The following RYR1 variants were observed in gnomAD, a reference collection of about 807,000 sequenced individuals.
RYR1 encodes ryanodine receptor 1.
Under a neutral mutation model 583.5 loss-of-function variants are expected in RYR1, and 342 were observed. The ratio of observed to expected loss-of-function variants is 0.59; its 90% CI spans 0.54 to 0.64. The LOEUF (loss-of-function observed/expected upper bound fraction) is 0.64, where lower values mean the gene tolerates loss of function less well. Ranked by LOEUF, RYR1 falls within the 30% of genes least tolerant of loss-of-function variation. The pLI is 0.00. For missense variants in RYR1, 6,032 were observed against 6,917.2 expected (o/e 0.87, Z 4.54); for synonymous variants, 2,791 against 2,822.5 (o/e 0.99, Z 0.35).
At chr19:38,472,738 C>T (rs1170007847) in intron 27 of RYR1, among the ~76,000 whole-genome samples, 2 of 148,516 alleles carry the variant, frequency 1.3e-5, no homozygotes, top group Non-Finnish European at 3.0e-5. Context: ...ATTAGCCAGG[C>T]GTGTTGGCTC....
intron 58 of RYR1, 36 bp from the exon 59 acceptor site, chr19:38,510,462 T>C (rs1320610601): frequency 6.2e-7 from 1 of 1,612,292 alleles, no homozygotes; most frequent in Admixed American, 1.7e-5. Flanking sequence ...TCCCCAGCCT[T>C]GAACCCACTG....
intron 58 of RYR1, 67 bp downstream of exon 58, chr19:38,507,894 A>G: frequency 2.2e-6 from 2 of 904,120 alleles, no homozygotes; most frequent in Non-Finnish European, 3.7e-6. Flanking sequence ...GACCAGACTC[A>G]CCTAGGACAC....
chr19:38,511,480 T>C, intron 60 of RYR1, 81 bp from the exon 61 acceptor site: 3 of 1,430,568 alleles, frequency 2.1e-6, no homozygotes, highest in Non-Finnish European at 2.0e-6. Flanking sequence ...CTGTCTCCTC[T>C]AATTGGGTCA....
intron 79 of RYR1, 106 bp downstream of exon 79, chr19:38,534,925 G>A (rs1044547093): frequency 1.5e-6 from 2 of 1,308,458 alleles, no homozygotes; most frequent in Non-Finnish European, 2.1e-6. Context: ...CTCAATGCCT[G>A]TGGTTTGCAC....
Position 38,500,039 on chromosome 19 carries a change from G to T in RYR1, c.7323+23G>T. The T allele has an allele frequency of 1.2e-6, 2 of 1,607,758 alleles. No individual in the cohort carries two copies. The highest frequency in any genetic ancestry group is 1.7e-6 in the Non-Finnish European group (2 of 1,174,630). On this transcript the variant is annotated intron_variant, in intron 45 of 105. Transcript: ENST00000359596. The surrounding 1 kb of genome is among the most constrained non-coding windows in gnomAD (Gnocchi z 5.9). ...CATGTGAGACCCTGAGCCAGGGCAG[G>T]ATGGGAAGGGAGGGCAGGCACAGCC... is the stretch of plus-strand genomic sequence containing the variant.
At chr19:38,502,810 G>GGGGCAGGGGGA in intron 48 of RYR1, 70 bp from the exon 49 acceptor site, 1 of 667,290 alleles carries the variant, frequency 1.5e-6, no homozygotes, top group Non-Finnish European at 2.0e-6. Flanking sequence ...GGGGCAGGGG[G>GGGGCAGGGGGA]AGGAGCAGGG....
chr19:38,567,011 G>C (rs1599639622), intron 92 of RYR1, 24 bp downstream of exon 92: 1 of 1,567,128 alleles, frequency 6.4e-7, no homozygotes, highest in Non-Finnish European at 8.7e-7. Flanking sequence ...GGGCTGAGGG[G>C]CCTAGCCCCT....
rs369281291 is a variant in RYR1 at position 38,459,334 on chromosome 19, G to A, written c.2356G>A (p.Val786Ile). 7.5e-5 allele frequency: 121 copies of A among 1,613,880 alleles called. No homozygotes were observed. The highest frequency in any genetic ancestry group is 3.3e-4 in the Middle Eastern group (2 of 6,074). Residue 786 changes from valine (V) to isoleucine (I), a missense_variant, in exon 19 of 106, where the codon GTC (valine) becomes ATC (isoleucine). Val to Ile is a conservative substitution (Grantham distance 29, BLOSUM62 3). This residue lies in a region of RYR1 where 2,627 missense variants were observed against 2,961.3 expected (regional missense o/e 0.89). Transcript: ENST00000359596. ...FFPVVSFSAG[V>I]KVRFLLGGRH... ...CCCTGTTGTCAGCTTCTCGGCTGGTGTCAAGTGAGAACTTGCCCCCACCCC... is the reference window on the plus strand; with the variant it reads ...CCCTGTTGTCAGCTTCTCGGCTGGTATCAAGTGAGAACTTGCCCCCACCCC...
chr19:38,500,125 C>A lies in RYR1; in HGVS notation c.7323+109C>A. On this transcript the variant is annotated intron_variant, in intron 45 of 105. Coordinates refer to ENST00000359596, the MANE Select transcript of RYR1 (RefSeq NM_000540.3). The surrounding 1 kb of genome is among the most constrained non-coding windows in gnomAD (Gnocchi z 5.9). ...GAGTGAGCTCCCATATGTGGGTGGT[C>A]CTGGACTAGCAATGTTGGGGACACA... 1 of 951,008 alleles carries A rather than the reference C, an allele frequency of 1.1e-6. No homozygotes were observed. The highest frequency in any genetic ancestry group is 1.6e-6 in the Non-Finnish European group (1 of 607,678). The allele number at this position is 951,008 out of a possible 1,614,324, so 58.9% of individuals were successfully genotyped here.
chr19:38,509,958 A>G (rs1970654215), intron 58 of RYR1, among the ~76,000 whole-genome samples: 1 of 152,210 alleles, frequency 6.6e-6, no homozygotes, highest in Non-Finnish European at 1.5e-5. Context: ...GAGGAAGGGC[A>G]TGTTCCATGA....
intron 34 of RYR1, among the ~76,000 whole-genome samples, chr19:38,487,422 C>T (rs1468682159): frequency 2.0e-5 from 3 of 151,002 alleles, no homozygotes; most frequent in Non-Finnish European, 4.4e-5. Flanking sequence ...GGAGCAATCT[C>T]AAATCACTGC....
intron 37 of RYR1, among the ~76,000 whole-genome samples, chr19:38,491,697 T>C (rs1969558774): frequency 6.6e-6 from 1 of 152,140 alleles, no homozygotes; most frequent in African/African-American, 2.4e-5. Context: ...CCCAAAGTGC[T>C]GGATTACAGG....
At chr19:38,557,679 CT>C (rs1568571658) in intron 89 of RYR1, among the ~76,000 whole-genome samples, 1 of 152,222 alleles carries the variant, frequency 6.6e-6, no homozygotes, top group Non-Finnish European at 1.5e-5. Flanking sequence ...TGGCCTATGC[CT>C]GAAGTCCCAG....
rs570202219 is a variant in RYR1 at position 38,460,608 on chromosome 19, A to G, written c.2577+17A>G. ...ACTGTCCAGGTACTGCCTGCCCTGCAAAGGTTTTCTGGCGAGGCAGGGTCT... is the reference window on the plus strand; with the variant it reads ...ACTGTCCAGGTACTGCCTGCCCTGCGAAGGTTTTCTGGCGAGGCAGGGTCT... On this transcript the variant is annotated intron_variant, in intron 20 of 105. Transcript: ENST00000359596. The G allele has an allele frequency of 1.2e-6, 2 of 1,605,394 alleles. No individual in the cohort carries two copies. The highest frequency in any genetic ancestry group is 4.5e-5 in the East Asian group (2 of 44,864).
chr19:38,449,984 TC>T (rs1180887288), intron 11 of RYR1, among the ~76,000 whole-genome samples: 4 of 152,174 alleles, frequency 2.6e-5, no homozygotes, highest in African/African-American at 7.2e-5. Flanking sequence ...TGCCTCAGCC[TC>T]CCAAAGTGCT....
intron 60 of RYR1, 43 bp downstream of exon 60, chr19:38,510,824 G>A: frequency 6.2e-7 from 1 of 1,613,128 alleles, no homozygotes; most frequent in South Asian, 1.1e-5. Flanking sequence ...TGACCTCACA[G>A]GATTGTAATC....
At chr19:38,531,046 C>G (rs1971718005) in intron 76 of RYR1, among the ~76,000 whole-genome samples, 1 of 141,056 alleles carries the variant, frequency 7.1e-6, no homozygotes, top group African/African-American at 2.7e-5. Flanking sequence ...GTTGTCCAGG[C>G]TGGTCTCAAA....
chr19:38,544,123 T>C (rs1190797248), intron 87 of RYR1, among the ~76,000 whole-genome samples: 1 of 152,230 alleles, frequency 6.6e-6, no homozygotes, highest in Non-Finnish European at 1.5e-5. Context: ...TCTGACGTGT[T>C]GGCCCCGTCC....
Position 38,516,102 on chromosome 19 carries a change from C to A in RYR1, c.9570C>A (p.Leu3190=). The A allele has an allele frequency of 1.9e-6, 3 of 1,549,282 alleles. No individual in the cohort carries two copies. The highest frequency in any genetic ancestry group is 2.1e-4 in the Middle Eastern group (1 of 4,784). ...NTYVEKLRPA[L]GECLARLAAA... is the part of the protein sequence containing the mutation. ...CGTCTTCCAGGCTTCGGCCAGCCCT[C>A]GGGGAGTGCCTGGCCCGTCTGGCAG... Residue 3190 remains leucine (L), a synonymous_variant, in exon 65 of 106, where the codon CTC becomes CTA. Coordinates refer to ENST00000359596, the MANE Select transcript of RYR1 (RefSeq NM_000540.3).
Sources: allele counts gnomAD v4.1 joint callset (sites outside exome capture counted in the v4.1 genomes callset), GRCh38; gene constraint gnomAD v4.1.1; regional missense constraint gnomAD v4.1.1; non-coding constraint Gnocchi (gnomAD v3.1); transcripts MANE v1.5; gene names NCBI Gene and HGNC (gene_info 2026-07-23, HGNC 2026-07-21).